PSD3: variants seen among roughly 807,000 people sequenced by gnomAD.
PSD3 encodes PH and SEC7 domain-containing protein 3.
Under a neutral mutation model 105.5 loss-of-function variants are expected in PSD3, and 49 were observed. The observed-to-expected ratio is 0.46, with a 90% CI of 0.37 to 0.59. PSD3 has a LOEUF of 0.59. PSD3 is among the 20% of genes least tolerant of loss of function. The pLI, the probability that PSD3 is intolerant of heterozygous loss-of-function variation, is 0.00. For missense variants in PSD3, 1,561 were observed against 1,263.8 expected, an observed-to-expected ratio of 1.24 and a Z score of -3.57; for synonymous variants, 557 against 457.8, an observed-to-expected ratio of 1.22 and a Z score of -2.77.
intron 12 of PSD3, among the ~76,000 whole-genome samples, chr8:18,596,826 T>C (rs913642085): frequency 6.6e-6 from 1 of 152,090 alleles, no homozygotes; most frequent in Non-Finnish European, 1.5e-5. Context: ...ATTGAATCTG[T>C]AATGAAAACC....
At chr8:18,921,240 T>C (rs1432602880) in intron 2 of PSD3, among the ~76,000 whole-genome samples, 1 of 152,376 alleles carries the variant, frequency 6.6e-6, no homozygotes, top group East Asian at 1.9e-4. Context: ...CAGTAAAATA[T>C]ATCAAACTAC....
chr8:18,941,972 A>T (rs983228911), intron 1 of PSD3, among the ~76,000 whole-genome samples: 1 of 152,144 alleles, frequency 6.6e-6, no homozygotes, highest in African/African-American at 2.4e-5. Context: ...TGCCACACCC[A>T]GCCTAGAATG....
At chr8:19,042,463 C>A (rs1828157425) in intron 1 of PSD3, among the ~76,000 whole-genome samples, 1 of 152,150 alleles carries the variant, frequency 6.6e-6, no homozygotes, top group African/African-American at 2.4e-5. Flanking sequence ...TGATATGTAA[C>A]AGAAGAACGT....
chr8:18,805,333 T>C (rs1177324781), intron 4 of PSD3, among the ~76,000 whole-genome samples: 1 of 152,220 alleles, frequency 6.6e-6, no homozygotes, highest in Non-Finnish European at 1.5e-5. Context: ...ACAAATTTCT[T>C]TAACAGCTGG....
Position 18,598,410 on chromosome 8 carries a change from TAAAAAAAAAAAA to T in PSD3, c.2481+1942_2481+1953del, listed in dbSNP as rs1211306767. Among the ~76,000 whole-genome samples the T allele has an allele frequency of 2.1e-3, 3 of 1,400 alleles. 1 individual carries two copies. Among genetic ancestry groups the T allele is most frequent in the Non-Finnish European group, 5.9e-3 (3 of 512 alleles). 0.9% of individuals were successfully genotyped at this position (1,400 alleles called of 152,430 possible). A position where few individuals can be genotyped will look rare whatever the true frequency, so the allele number is the denominator to read the frequency against. On this transcript the variant is annotated intron_variant, in intron 12 of 15. Transcript: ENST00000327040. The stretch of plus-strand genomic sequence containing the variant: ...ATGTACCCTAAAACTTAGAGTATAA[TAAAAAAAAAAAA>T]AAAAAAAAAAAAAAAAGGATCATAT...
chr8:18,635,882 TG>T (rs894123054), intron 10 of PSD3, among the ~76,000 whole-genome samples: 1 of 69,578 alleles, frequency 1.4e-5, no homozygotes, highest in African/African-American at 5.6e-5. Context: ...TGGGGCCTGT[TG>T]GGGGTGGGGT....
chr8:18,828,067 A>ATATATATATAT (rs371473289), intron 4 of PSD3, among the ~76,000 whole-genome samples: 45 of 118,878 alleles, frequency 3.8e-4, no homozygotes, highest in African/African-American at 1.6e-3. Flanking sequence ...ATATATATAT[A>ATATATATATAT]TTTTTTTTTT....
chr8:18,838,586 G>A (rs960846787), intron 4 of PSD3, among the ~76,000 whole-genome samples: 4 of 151,900 alleles, frequency 2.6e-5, no homozygotes, highest in Admixed American at 2.6e-4. Context: ...CGGATCATGA[G>A]GTCAGGAGCT....
intron 9 of PSD3, among the ~76,000 whole-genome samples, chr8:18,724,136 T>A (rs1006341950): frequency 6.6e-6 from 1 of 152,174 alleles, no homozygotes; most frequent in Admixed American, 6.5e-5. Flanking sequence ...TTGGATTCTT[T>A]ATAAGCAGGT....
At chr8:18,812,027 G>C (rs1252372310) in intron 4 of PSD3, among the ~76,000 whole-genome samples, 1 of 152,190 alleles carries the variant, frequency 6.6e-6, no homozygotes, top group Non-Finnish European at 1.5e-5. Context: ...ACTAATAGAT[G>C]TGTGTGCCTC....
At chr8:19,073,784 GT>G (rs1261822055) in intron 1 of PSD3, among the ~76,000 whole-genome samples, 4 of 129,718 alleles carry the variant, frequency 3.1e-5, no homozygotes, top group South Asian at 2.7e-4. Context: ...TCAGAATTGT[GT>G]TTTTTTCTTT....
intron 8 of PSD3, among the ~76,000 whole-genome samples, chr8:18,768,443 G>C (rs565965027): frequency 6.6e-6 from 1 of 151,872 alleles, no homozygotes; most frequent in Non-Finnish European, 1.5e-5. Context: ...GAAACAATAT[G>C]AAAATTAGCT....
At chr8:18,822,318 T>C (rs1458211763) in intron 4 of PSD3, among the ~76,000 whole-genome samples, 2 of 152,116 alleles carry the variant, frequency 1.3e-5, no homozygotes, top group African/African-American at 4.8e-5. Context: ...CTGTGTCCCA[T>C]CCAGTTCTCC....
intron 9 of PSD3, among the ~76,000 whole-genome samples, chr8:18,735,406 A>C (rs1804079691): frequency 6.6e-6 from 1 of 152,216 alleles, no homozygotes; most frequent in Non-Finnish European, 1.5e-5. Context: ...AATACACTGA[A>C]TGGCGAATGG....
At chr8:18,781,936 A>T (rs2129445331) in intron 8 of PSD3, among the ~76,000 whole-genome samples, 1 of 152,096 alleles carries the variant, frequency 6.6e-6, no homozygotes, top group Admixed American at 6.5e-5. Context: ...CCTGTCTTCA[A>T]GTTTACAAAT....
rs1230576872 is a variant in PSD3, at chr8:18,535,933, C to G, written c.2954G>C (p.Ser985Thr). The G allele has an allele frequency of 6.2e-7, 1 of 1,614,154 alleles. No homozygotes were observed. Among genetic ancestry groups the G allele is most frequent in the South Asian group, 1.1e-5 (1 of 91,082 alleles). Reference protein sequence around the residue: ...FEKTRYEMYVSILKEGGKELL... With the variant: ...FEKTRYEMYVTILKEGGKELL... ...CTCTTTGCCTCCTTCCTTGAGAATG[C>G]TGACATACATTTCATAGCGGGTTTT... is the stretch of plus-strand genomic sequence containing the variant. Residue 985 changes from serine (S) to threonine (T), a missense_variant, in exon 16 of 16, where the codon AGC becomes ACC. Coordinates refer to ENST00000327040, the MANE Select transcript of PSD3 (RefSeq NM_015310.4).
At chr8:19,080,628 C>T (rs1229155670) in intron 1 of PSD3, among the ~76,000 whole-genome samples, 1 of 152,174 alleles carries the variant, frequency 6.6e-6, no homozygotes, top group Non-Finnish European at 1.5e-5. Flanking sequence ...GGCTCCTTGC[C>T]TGTCATGCTC....
chr8:18,950,043 G>A (rs910072642), intron 1 of PSD3, among the ~76,000 whole-genome samples: 2 of 152,108 alleles, frequency 1.3e-5, no homozygotes, highest in Admixed American at 6.5e-5. Context: ...CCCAGCTTCA[G>A]GGAGGTTCTG....
chr8:18,959,228 A>G lies in PSD3; in HGVS notation c.22-23086T>C, dbSNP rs142924675. Reference sequence around the variant, plus strand: ...GAGCCACCACGTCCAGCTTAAGTGGAGGTTCTTAATCCCTTTCTGAAAGAC... The same window carrying G: ...GAGCCACCACGTCCAGCTTAAGTGGGGGTTCTTAATCCCTTTCTGAAAGAC... On this transcript the variant is annotated intron_variant, in intron 1 of 15. Coordinates refer to ENST00000327040, the MANE Select transcript of PSD3 (RefSeq NM_015310.4). Among the ~76,000 whole-genome samples, 742 of 152,164 alleles carry G rather than the reference A, an allele frequency of 4.9e-3. 9 individuals carry two copies. The highest frequency in any genetic ancestry group is 0.016 in the African/African-American group (682 of 41,500).
Sources: allele counts gnomAD v4.1 joint callset (sites outside exome capture counted in the v4.1 genomes callset), GRCh38; gene constraint gnomAD v4.1.1; transcripts MANE v1.5; gene names NCBI Gene and HGNC (gene_info 2026-07-23, HGNC 2026-07-21).